CNOT1: variants seen among roughly 807,000 people sequenced by gnomAD.
The protein encoded by CNOT1 is CCR4-NOT transcription complex subunit 1.
In CNOT1, 15 loss-of-function variants were observed where a neutral mutation model predicts 273.8. The observed-to-expected ratio is 0.05, with a 90% CI of 0.04 to 0.08. CNOT1 has a LOEUF of 0.08. Ranked by LOEUF, CNOT1 falls within the 10% of genes least tolerant of loss-of-function variation. The pLI is 1.00. For synonymous variants in CNOT1, 1,022 were observed against 1,005.5 expected, an observed-to-expected ratio of 1.02 and a Z score of -0.31; for missense variants, 1,644 against 2,912.2, an observed-to-expected ratio of 0.56 and a Z score of 10.02.
intron 44 of CNOT1, chr16:58,528,142 T>C: frequency 2.0e-6 from 1 of 492,394 alleles, no homozygotes; most frequent in Non-Finnish European, 4.0e-6. Flanking sequence ...AAAGGTCTGT[T>C]TGTTCTGCAA....
intron 2 of CNOT1, among the ~76,000 whole-genome samples, chr16:58,592,815 T>C (rs1379997829): frequency 5.9e-5 from 9 of 152,034 alleles, no homozygotes; most frequent in South Asian, 2.1e-4. Flanking sequence ...CCCACAGAAA[T>C]AGCAGAATGG....
At chr16:58,569,869 A>C (rs187118767) in intron 16 of CNOT1, among the ~76,000 whole-genome samples, 4 of 152,328 alleles carry the variant, frequency 2.6e-5, no homozygotes, top group Admixed American at 6.5e-5. Context: ...TAAAAACATT[A>C]ATCTAGACAC....
At position 58,618,161 on chromosome 16, in the gene CNOT1, G is replaced by A. The variant is rs1597612126; in HGVS notation, c.-175+11567C>T. Among the ~76,000 whole-genome samples the A allele has an allele frequency of 2.6e-5, 4 of 152,244 alleles. 1 individual carries two copies. Among genetic ancestry groups the A allele is most frequent in the Admixed American group, 2.6e-4 (4 of 15,270 alleles). ...ATGCATAACTATTTTGTGGTGGATT[G>A]TGTACTTGCACCTGCAATCCCAGCC... On this transcript the variant is annotated intron_variant, in intron 1 of 48. Transcript: ENST00000317147.
chr16:58,523,263 C>T (rs575199517), intron 47 of CNOT1, 107 bp downstream of exon 47: 15 of 1,233,168 alleles, frequency 1.2e-5, no homozygotes, highest in Non-Finnish European at 1.5e-5. Context: ...AAAAAAAAAA[C>T]CAACCAAACG....
chr16:58,551,372 G>C, intron 23 of CNOT1, 100 bp from the exon 24 acceptor site: 1 of 1,296,044 alleles, frequency 7.7e-7, no homozygotes, highest in Non-Finnish European at 1.1e-6. Context: ...AAATACACAT[G>C]GTATGACTGT....
intron 22 of CNOT1, among the ~76,000 whole-genome samples, 153 bp downstream of exon 22, chr16:58,553,629 G>T (rs1236307386): frequency 6.6e-6 from 1 of 152,056 alleles, no homozygotes; most frequent in Non-Finnish European, 1.5e-5. Context: ...GCCACAAAAT[G>T]AGCAACCTCA....
rs1397254531 is a variant in CNOT1, at chr16:58,615,328, A to T, written c.-175+14400T>A. ...GCTTCCTCTTCCCAGCTAAAGAATT[A>T]GAATACAATTCTCAGCTTCTCTTGC... On this transcript the variant is annotated intron_variant, in intron 1 of 48. Coordinates refer to ENST00000317147, the MANE Select transcript of CNOT1 (RefSeq NM_016284.5). 1.6e-5 allele frequency among the ~76,000 whole-genome samples: 2 copies of T among 125,758 alleles called. 1 individual carries two copies. Among genetic ancestry groups the T allele is most frequent in the Non-Finnish European group, 3.8e-5 (2 of 52,850 alleles). 82.5% of individuals were successfully genotyped at this position (125,758 alleles called of 152,430 possible).
At chr16:58,612,450 C>T (rs956480949) in intron 1 of CNOT1, among the ~76,000 whole-genome samples, 3 of 152,088 alleles carry the variant, frequency 2.0e-5, no homozygotes, top group Admixed American at 6.6e-5. Flanking sequence ...TGAAAATGTT[C>T]TACATCAGAC....
In CNOT1 at chr16:58,574,601, C is replaced by G; in HGVS notation, c.1979+8G>C. On this transcript the variant is annotated splice_region_variant and intron_variant, in intron 16 of 48. Transcript: ENST00000317147. Reference sequence around the variant, plus strand: ...AAAAAAAGTCATATTCATGTATGTACTTCTTACCCTGCACAAGCTTGCAGA... The same window carrying G: ...AAAAAAAGTCATATTCATGTATGTAGTTCTTACCCTGCACAAGCTTGCAGA... The G allele has an allele frequency of 6.4e-7, 1 of 1,573,486 alleles. No individual in the cohort carries two copies.
chr16:58,520,844 A>G lies in CNOT1; in HGVS notation c.*114T>C, dbSNP rs1404040150. ...CCAACAGTAGTTGGGGCAGATACCC[A>G]CAAACCAAAGGGCTGGGAAAGTCAG... On this transcript the variant is annotated 3_prime_UTR_variant, in exon 49 of 49. Transcript: ENST00000317147. 1 of 1,118,026 alleles carries G rather than the reference A, an allele frequency of 8.9e-7. No individual in the cohort carries two copies. The highest frequency in any genetic ancestry group is 1.3e-6 in the Non-Finnish European group (1 of 755,572). The allele number at this position is 1,118,026 out of a possible 1,614,324, so 69.3% of individuals were successfully genotyped here. A position where few individuals can be genotyped will look rare whatever the true frequency, so the allele number is the denominator to read the frequency against.
At chr16:58,537,683 C>T (rs1288464634) in intron 38 of CNOT1, among the ~76,000 whole-genome samples, 2 of 152,180 alleles carry the variant, frequency 1.3e-5, no homozygotes, top group Admixed American at 6.5e-5. Context: ...AGTCTGGTAC[C>T]GTATGTACTG....
Position 58,587,397 on chromosome 16 carries a change from G to A in CNOT1, c.326C>T (p.Pro109Leu), listed in dbSNP as rs368657607. 2.8e-5 allele frequency: 45 copies of A among 1,613,564 alleles called. No homozygotes were observed. Among genetic ancestry groups the A allele is most frequent in the Non-Finnish European group, 3.6e-5 (43 of 1,179,966 alleles). The change falls in exon 5 of 49, where the codon CCC becomes CTC. Residue 109 changes from proline to leucine, a missense_variant. By Grantham distance (98) the Pro-to-Leu change is moderately conservative. This residue lies in a region of CNOT1 where 706 missense variants were observed against 1,021.2 expected (regional missense o/e 0.69). Coordinates refer to ENST00000317147, the MANE Select transcript of CNOT1 (RefSeq NM_016284.5). ...LHYQKSLKPA[P>L]HLFAQLSKVL... is the part of the protein sequence containing the mutation. Reference sequence around the variant, plus strand: ...TTTACTCAGCTGGGCAAATAAGTGGGGTGCAGGCTTTAAACTCTGAAACAA... The same window carrying A: ...TTTACTCAGCTGGGCAAATAAGTGGAGTGCAGGCTTTAAACTCTGAAACAA...
intron 1 of CNOT1, among the ~76,000 whole-genome samples, chr16:58,620,325 TA>T (rs1442493546): frequency 6.6e-6 from 1 of 152,094 alleles, no homozygotes; most frequent in Non-Finnish European, 1.5e-5. Flanking sequence ...AAAGTTTTGG[TA>T]GAGATGACAT....
rs920807739 is a variant in CNOT1 at position 58,614,215 on chromosome 16, T to C, written c.-174-14704A>G. ...TATGGAAGCCATTCACCTCACTCACTGTAGAAGAGAGGTAACATAGATGGC... is the reference window on the plus strand; with the variant it reads ...TATGGAAGCCATTCACCTCACTCACCGTAGAAGAGAGGTAACATAGATGGC... On this transcript the variant is annotated intron_variant, in intron 1 of 48. Coordinates refer to ENST00000317147, the MANE Select transcript of CNOT1 (RefSeq NM_016284.5). Among the ~76,000 whole-genome samples, 4 of 124,318 alleles carry C rather than the reference T, an allele frequency of 3.2e-5. 1 individual carries two copies. The highest frequency in any genetic ancestry group is 1.1e-4 in the African/African-American group (4 of 36,880). 81.6% of individuals were successfully genotyped at this position (124,318 alleles called of 152,430 possible). A position where few individuals can be genotyped will look rare whatever the true frequency, so the allele number is the denominator to read the frequency against.
chr16:58,574,808 GT>G, intron 15 of CNOT1, 48 bp from the exon 16 acceptor site: 1 of 1,577,656 alleles, frequency 6.3e-7, no homozygotes, highest in Non-Finnish European at 8.5e-7. Context: ...GATCTTAAAT[GT>G]TTTTGGATTA....
intron 2 of CNOT1, 44 bp from the exon 3 acceptor site, chr16:58,588,950 CAAAAA>C: frequency 9.4e-7 from 1 of 1,066,266 alleles, no homozygotes; most frequent in Non-Finnish European, 1.3e-6. Context: ...GAAGATAAAA[CAAAAA>C]AAAAAAGTAA....
rs569055469 is a variant in CNOT1 at position 58,592,544 on chromosome 16, C to T, written c.103-3638G>A. Among the ~76,000 whole-genome samples the T allele has an allele frequency of 6.6e-5, 10 of 152,260 alleles. No individual in the cohort carries two copies. The South Asian group carries it at 2.1e-3, about 32-fold the overall frequency. On this transcript the variant is annotated intron_variant, in intron 2 of 48. Transcript: ENST00000317147. ...AGCGTGCCATGAATGTGTCTGTGAACAGCCACTGCATTCCAGGCTGGTCAA... is the reference window on the plus strand; with the variant it reads ...AGCGTGCCATGAATGTGTCTGTGAATAGCCACTGCATTCCAGGCTGGTCAA...
At position 58,547,391 on chromosome 16, in the gene CNOT1, A is replaced by G. The variant is rs528692449; in HGVS notation, c.3640-95T>C. On this transcript the variant is annotated intron_variant, in intron 26 of 48. Transcript: ENST00000317147. This position sits in a 1 kb window ranked among gnomAD's most constrained non-coding sequence, Gnocchi z 4.0. ...AAGTATTTTGCCAAGCTTATCCCCA[A>G]AACAGGAATCAACATAATGTCTAGT... The G allele has an allele frequency of 3.1e-5, 48 of 1,561,218 alleles. No homozygotes were observed. In the African/African-American group the frequency reaches 4.1e-4, roughly 13 times the overall value.
rs771984047 is a variant in CNOT1 at position 58,549,911 on chromosome 16, T to G, written c.3343-13A>C. The G allele has an allele frequency of 6.2e-7, 1 of 1,613,352 alleles. No homozygotes were observed. On this transcript the variant is annotated splice_polypyrimidine_tract_variant and intron_variant, in intron 24 of 48. Coordinates refer to ENST00000317147, the MANE Select transcript of CNOT1 (RefSeq NM_016284.5). ...TTAGCTCTTCAACCTAGCCGGTCAA[T>G]ACGACATGGGAAGCACAGAATTACA...
Sources: allele counts gnomAD v4.1 joint callset (sites outside exome capture counted in the v4.1 genomes callset), GRCh38; gene constraint gnomAD v4.1.1; regional missense constraint gnomAD v4.1.1; non-coding constraint Gnocchi (gnomAD v3.1); transcripts MANE v1.5; gene names NCBI Gene and HGNC (gene_info 2026-07-23, HGNC 2026-07-21).